TMPRSS7: variants seen among roughly 807,000 people sequenced by gnomAD.
The protein encoded by TMPRSS7 is transmembrane serine protease 7.
In TMPRSS7, 81 loss-of-function variants were observed where a neutral mutation model predicts 95.6. The ratio of observed to expected loss-of-function variants is 0.85; its 90% confidence interval spans 0.71 to 1.02. TMPRSS7 has a LOEUF of 1.02. Among genes scored for constraint, TMPRSS7 ranks in the 50% least tolerant of loss-of-function variants. The pLI, the probability that TMPRSS7 is intolerant of heterozygous loss-of-function variation, is 0.00. For missense variants in TMPRSS7, 945 were observed against 955.2 expected, an observed-to-expected ratio of 0.99 and a Z score of 0.14; for synonymous variants, 364 against 337.8, an observed-to-expected ratio of 1.08 and a Z score of -0.85.
chr3:112,057,433 A>C (rs947512560), intron 10 of TMPRSS7, among the ~76,000 whole-genome samples: 2 of 152,194 alleles, frequency 1.3e-5, no homozygotes, highest in African/African-American at 4.8e-5. Flanking sequence ...CCATGGGGGA[A>C]TATAATAAAT....
At chr3:112,057,473 A>G (rs1011007094) in intron 10 of TMPRSS7, among the ~76,000 whole-genome samples, 5 of 152,052 alleles carry the variant, frequency 3.3e-5, no homozygotes, top group Non-Finnish European at 7.4e-5. Context: ...AATGTTAGAG[A>G]CCATTGACCA....
At chr3:112,035,614 C>T (rs2073145614) in intron 1 of TMPRSS7, among the ~76,000 whole-genome samples, 2 of 152,144 alleles carry the variant, frequency 1.3e-5, no homozygotes, top group South Asian at 4.1e-4. Context: ...ATTTCTTTGG[C>T]ATTGGCATTC....
chr3:112,064,142 A>G (rs2073546449), intron 12 of TMPRSS7, among the ~76,000 whole-genome samples: 1 of 152,180 alleles, frequency 6.6e-6, no homozygotes, highest in African/African-American at 2.4e-5. Context: ...TGGGGTGCAT[A>G]ATACTACCAC....
At chr3:112,050,837 G>C (rs1431993709) in intron 9 of TMPRSS7, 54 bp downstream of exon 9, 2 of 856,694 alleles carry the variant, frequency 2.3e-6, no homozygotes, top group Non-Finnish European at 3.6e-6. Flanking sequence ...ATTTTTAATA[G>C]CATGAATTTC....
At chr3:112,050,286 G>A (rs997266983) in intron 8 of TMPRSS7, among the ~76,000 whole-genome samples, 1 of 152,104 alleles carries the variant, frequency 6.6e-6, no homozygotes, top group Non-Finnish European at 1.5e-5. Context: ...AAGGAAAGAG[G>A]TTGAGATTAT....
chr3:112,054,916 T>C (rs1264532273), intron 9 of TMPRSS7, among the ~76,000 whole-genome samples: 1 of 151,888 alleles, frequency 6.6e-6, no homozygotes, highest in African/African-American at 2.4e-5. Context: ...ATTTTTTCTA[T>C]TTTTAGTAGA....
At chr3:112,042,164 G>A (rs1410263786) in intron 3 of TMPRSS7, 114 bp downstream of exon 3, 2 of 763,920 alleles carry the variant, frequency 2.6e-6, no homozygotes, top group East Asian at 5.5e-5. Context: ...GGAAGTAGAG[G>A]GCAGGGTAGA....
At chr3:112,044,289 A>C in exon 4 of TMPRSS7, 1 of 1,551,326 alleles carries the variant, frequency 6.4e-7, no homozygotes, top group South Asian at 1.2e-5. Flanking sequence ...GCCTTCTCCA[A>C]ATTTTATGAG....
intron 2 of TMPRSS7, among the ~76,000 whole-genome samples, chr3:112,040,777 T>C (rs1474980794): frequency 2.0e-5 from 3 of 152,182 alleles, no homozygotes; most frequent in Non-Finnish European, 2.9e-5. Context: ...GAGACTGGTA[T>C]GGACCAGTAA....
intron 17 of TMPRSS7, 100 bp downstream of exon 17, chr3:112,078,978 T>C (rs2073747523): frequency 8.0e-6 from 11 of 1,370,774 alleles, no homozygotes; most frequent in African/African-American, 2.9e-5. Context: ...GGGCAGGTAT[T>C]TCCCTGAATT....
At chr3:112,079,392 A>G (rs1002259105) in intron 17 of TMPRSS7, among the ~76,000 whole-genome samples, 10 of 152,212 alleles carry the variant, frequency 6.6e-5, no homozygotes, top group Admixed American at 6.5e-4. Context: ...AGTTACCTAC[A>G]TGATTGCCAA....
chr3:112,045,635 A>C, intron 4 of TMPRSS7, 115 bp from the exon 5 acceptor site: 4 of 940,392 alleles, frequency 4.3e-6, no homozygotes, highest in Non-Finnish European at 4.7e-6. Context: ...TAAAGAAGGG[A>C]GCTAGCTTCA....
chr3:112,042,258 A>G (rs773528213), intron 3 of TMPRSS7, among the ~76,000 whole-genome samples: 25 of 152,178 alleles, frequency 1.6e-4, no homozygotes, highest in Non-Finnish European at 2.8e-4. Context: ...CCATGCTCCA[A>G]TGTAAAAAAA....
chr3:112,044,308 T>C (rs779032114), exon 4 of TMPRSS7: 49 of 1,551,260 alleles, frequency 3.2e-5, no homozygotes, highest in Non-Finnish European at 4.2e-5. Context: ...AGCAGTCTGT[T>C]GTTGCAGATG....
At chr3:112,045,907 G>A (rs1379470685) in exon 5 of TMPRSS7, 11 of 1,551,738 alleles carry the variant, frequency 7.1e-6, no homozygotes, top group Non-Finnish European at 8.7e-6. Context: ...GAGCTTGCAG[G>A]GACTGGCTGT....
chr3:112,075,675 G>A (rs1439708640), intron 15 of TMPRSS7, among the ~76,000 whole-genome samples, 183 bp downstream of exon 15: 1 of 152,132 alleles, frequency 6.6e-6, no homozygotes, highest in Non-Finnish European at 1.5e-5. Context: ...TATAAAAAAA[G>A]CACAAAGGAA....
At chr3:112,074,852 C>T (rs1322440140) in intron 14 of TMPRSS7, among the ~76,000 whole-genome samples, 1 of 152,216 alleles carries the variant, frequency 6.6e-6, no homozygotes, top group African/African-American at 2.4e-5. Context: ...CATGTGGCAA[C>T]ATGTAAATTA....
intron 14 of TMPRSS7, among the ~76,000 whole-genome samples, chr3:112,074,922 T>C (rs933395098): frequency 6.6e-6 from 1 of 152,240 alleles, no homozygotes; most frequent in African/African-American, 2.4e-5. Flanking sequence ...TAGTTTTCCC[T>C]GTAGGTTTTC....
chr3:112,072,812 T>C (rs140414991), intron 13 of TMPRSS7, among the ~76,000 whole-genome samples: 201 of 152,382 alleles, frequency 1.3e-3, no homozygotes, highest in African/African-American at 4.7e-3. Flanking sequence ...ATCCAGTCTA[T>C]CATTTATGGA....
Sources: gnomAD v4.1 joint callset for allele counts (sites outside exome capture counted in the v4.1 genomes callset) on GRCh38, gnomAD v4.1.1 for gene constraint, MANE v1.5 for transcripts, NCBI Gene and HGNC (gene_info 2026-07-23, HGNC 2026-07-21) for gene names.